Variants in EPHX2 observed in about 807,000 individuals in gnomAD.
EPHX2 encodes epoxide hydrolase 2, also known as bifunctional epoxide hydrolase 2.
In EPHX2, 74 loss-of-function variants were observed where a neutral mutation model predicts 78.7. The ratio of observed to expected loss-of-function variants is 0.94; its 90% CI spans 0.78 to 1.14. The LOEUF is 1.14. EPHX2 is among the 50% of genes most tolerant of loss of function. The probability of loss-of-function intolerance (pLI) is 0.00; values close to 1 mark genes in which losing one functional copy is unlikely to be tolerated. For synonymous variants in EPHX2, 251 were observed against 255.2 expected, an observed-to-expected ratio of 0.98 and a Z score of 0.16; for missense variants, 715 against 702.5, an observed-to-expected ratio of 1.02 and a Z score of -0.20.
intron 12 of EPHX2, among the ~76,000 whole-genome samples, chr8:27,534,062 C>T (rs1009483358): frequency 2.0e-5 from 3 of 152,246 alleles, no homozygotes; most frequent in Admixed American, 1.3e-4. Context: ...GAATGATGAC[C>T]GACAGCCACA....
chr8:27,538,771 G>A (rs748621517), intron 14 of EPHX2, 79 bp downstream of exon 14: 1 of 1,505,656 alleles, frequency 6.6e-7, no homozygotes, highest in Non-Finnish European at 9.2e-7. Context: ...ACTGCTATGG[G>A]CAGAAGCCCT....
chr8:27,527,068 A>T (rs1814872225), intron 12 of EPHX2, among the ~76,000 whole-genome samples: 1 of 152,080 alleles, frequency 6.6e-6, no homozygotes, highest in South Asian at 2.1e-4. Flanking sequence ...CAGCCTCCTG[A>T]GTAGCTGGGT....
intron 6 of EPHX2, among the ~76,000 whole-genome samples, chr8:27,513,193 G>A (rs1416513385): frequency 6.6e-6 from 1 of 152,168 alleles, no homozygotes; most frequent in Admixed American, 6.5e-5. Context: ...TGTAAAGTGG[G>A]CATCCAGGCA....
rs959072192 is a variant in EPHX2 at position 27,491,157 on chromosome 8, G to C, written c.-52G>C. On this transcript the variant is annotated 5_prime_UTR_variant, in exon 1 of 19. Transcript: ENST00000521400. ...GCGGGTCATGCGCCCTGGCCTTCGCGCATCTCCCAGGTTAGCTGCGTGTCC... is the reference window on the plus strand; with the variant it reads ...GCGGGTCATGCGCCCTGGCCTTCGCCCATCTCCCAGGTTAGCTGCGTGTCC... 3.1e-4 allele frequency: 467 copies of C among 1,513,720 alleles called. No individual in the cohort carries two copies. The highest frequency in any genetic ancestry group is 4.0e-4 in the Non-Finnish European group (450 of 1,132,276). 93.8% of individuals were successfully genotyped at this position (1,513,720 alleles called of 1,614,324 possible).
intron 1 of EPHX2, among the ~76,000 whole-genome samples, chr8:27,497,537 G>A (rs1009147333): frequency 2.0e-5 from 3 of 152,122 alleles, no homozygotes; most frequent in Non-Finnish European, 4.4e-5. Context: ...GGTCCCTATT[G>A]TAGAACACCA....
chr8:27,492,188 C>T (rs757497818), intron 1 of EPHX2, among the ~76,000 whole-genome samples: 11 of 152,074 alleles, frequency 7.2e-5, no homozygotes, highest in Non-Finnish European at 1.0e-4. Flanking sequence ...AGTCCATGTC[C>T]GGAGCCTTTG....
At chr8:27,526,433 G>T (rs1169729041) in intron 12 of EPHX2, among the ~76,000 whole-genome samples, 1 of 152,200 alleles carries the variant, frequency 6.6e-6, no homozygotes, top group Non-Finnish European at 1.5e-5. Flanking sequence ...CCACAGCCTG[G>T]TGTGTGGGAA....
intron 6 of EPHX2, among the ~76,000 whole-genome samples, chr8:27,513,802 A>G (rs1289410805): frequency 1.3e-5 from 2 of 152,104 alleles, no homozygotes; most frequent in Non-Finnish European, 2.9e-5. Context: ...TTTAGTTGGG[A>G]TCTGTGCTAG....
At chr8:27,504,272 T>G (rs1813913689) in intron 3 of EPHX2, among the ~76,000 whole-genome samples, 1 of 152,182 alleles carries the variant, frequency 6.6e-6, no homozygotes, top group African/African-American at 2.4e-5. Flanking sequence ...CTCTTATCAG[T>G]AGACTTACCT....
chr8:27,516,182 A>G (rs1814445054), intron 7 of EPHX2, 138 bp from the exon 8 acceptor site: 1 of 874,662 alleles, frequency 1.1e-6, no homozygotes, highest in Non-Finnish European at 1.9e-6. Flanking sequence ...TTTCAGCTCC[A>G]TGGCAAAGTT....
chr8:27,525,404 C>G lies in EPHX2; in HGVS notation c.1101C>G (p.Pro367=). 1 of 1,614,142 alleles carries G rather than the reference C, an allele frequency of 6.2e-7. No homozygotes were observed. The highest frequency in any genetic ancestry group is 8.5e-7 in the Non-Finnish European group (1 of 1,180,034). ...ATACTCCCTTCATACCAGCAAATCC[C>G]AACATGTCCCCTTTGGAGAGTATCA... ...SLNTPFIPAN[P]NMSPLESIKA... Residue 367 remains proline (P), a synonymous_variant, in exon 12 of 19, where the codon CCC becomes CCG. Coordinates refer to ENST00000521400, the MANE Select transcript of EPHX2 (RefSeq NM_001979.6).
intron 1 of EPHX2, among the ~76,000 whole-genome samples, 154 bp from the exon 2 acceptor site, chr8:27,500,772 C>G (rs749764764): frequency 9.2e-5 from 14 of 152,228 alleles, no homozygotes; most frequent in Non-Finnish European, 2.1e-4. Flanking sequence ...TCCTTGCGCG[C>G]AAAGATCCCA....
rs371874102 is a variant in EPHX2, at chr8:27,538,746, A to G, written c.1276+54A>G. ...CTGGAACCAGCTGAATGTTAAAGGG[A>G]TGTTTCTGTCTCTGACTGCTATGGG... On this transcript the variant is annotated intron_variant, in intron 14 of 18. Transcript: ENST00000521400. 2.2e-3 allele frequency: 3,481 copies of G among 1,586,504 alleles called. 6 individuals are homozygous for G. Among genetic ancestry groups the G allele is most frequent in the Non-Finnish European group, 2.7e-3 (3,119 of 1,155,138 alleles).
intron 16 of EPHX2, among the ~76,000 whole-genome samples, chr8:27,541,812 A>G (rs1815413239): frequency 6.6e-6 from 1 of 152,110 alleles, no homozygotes; most frequent in African/African-American, 2.4e-5. Context: ...CGGAATCCCC[A>G]GGTCCCCTGG....
chr8:27,524,804 A>G (rs1055606143), intron 11 of EPHX2, among the ~76,000 whole-genome samples: 5 of 152,104 alleles, frequency 3.3e-5, no homozygotes, highest in African/African-American at 4.8e-5. Context: ...GTGCTATTCT[A>G]TGGCTCATAT....
chr8:27,538,644 C>G lies in EPHX2; in HGVS notation c.1243-15C>G, dbSNP rs1815288465. 1.2e-6 allele frequency: 2 copies of G among 1,607,370 alleles called. No individual in the cohort carries two copies. The highest frequency in any genetic ancestry group is 1.7e-6 in the Non-Finnish European group (2 of 1,175,472). The stretch of plus-strand genomic sequence containing the variant: ...CCATGACATCATTTGTAACTCTTTT[C>G]TTTTCTTCCTTCAGAGTGTTTTATC... On this transcript the variant is annotated splice_polypyrimidine_tract_variant and intron_variant, in intron 13 of 18. Transcript: ENST00000521400.
Position 27,491,175 on chromosome 8 carries a change from G to C in EPHX2, c.-34G>C, listed in dbSNP as rs1024516860. The C allele has an allele frequency of 7.1e-6, 11 of 1,548,214 alleles. No homozygotes were observed. In the African/African-American group the frequency reaches 1.2e-4, roughly 17 times the overall value. ...CCTTCGCGCATCTCCCAGGTTAGCT[G>C]CGTGTCCGGGTGCTAGGCTGCAGAC... On this transcript the variant is annotated 5_prime_UTR_variant, in exon 1 of 19. Coordinates refer to ENST00000521400, the MANE Select transcript of EPHX2 (RefSeq NM_001979.6).
At chr8:27,546,542 A>G (rs1815579835), downstream of EPHX2, among the ~76,000 whole-genome samples, 1 of 152,238 alleles carries the variant, frequency 6.6e-6, no homozygotes, top group South Asian at 2.1e-4. Flanking sequence ...TATTTTCCTA[A>G]CTGGGTGTAT....
downstream of EPHX2, among the ~76,000 whole-genome samples, chr8:27,547,862 C>T (rs1039789368): frequency 4.6e-5 from 7 of 152,140 alleles, no homozygotes; most frequent in African/African-American, 2.4e-5. Context: ...CATTTCCATC[C>T]GCGTTGCTGC....
Sources: gnomAD v4.1 joint callset for allele counts (sites outside exome capture counted in the v4.1 genomes callset) on GRCh38, gnomAD v4.1.1 for gene constraint, MANE v1.5 for transcripts, NCBI Gene and HGNC (gene_info 2026-07-23, HGNC 2026-07-21) for gene names.